Variants in TPD52L1 observed in about 807,000 individuals in gnomAD.
TPD52L1 encodes tumor protein D53.
TPD52L1 carries 18 observed loss-of-function variants against 28.7 expected under a neutral mutation model. The observed-to-expected ratio is 0.63, with a 90% CI of 0.43 to 0.93. The LOEUF is 0.93. Among genes scored for constraint, TPD52L1 ranks in the 40% least tolerant of loss-of-function variants. The pLI is 0.00. For missense variants in TPD52L1, 203 were observed against 254.8 expected (o/e 0.80, Z 1.39); for synonymous variants, 75 against 88.8 (o/e 0.84, Z 0.88).
At chr6:125,194,517 G>A (rs945712731) in intron 1 of TPD52L1, among the ~76,000 whole-genome samples, 10 of 152,130 alleles carry the variant, frequency 6.6e-5, no homozygotes, top group South Asian at 2.1e-4. Context: ...CCTTTTTGGC[G>A]TATTTCATAC....
At chr6:125,250,190 G>A (rs1212291624) in intron 4 of TPD52L1, among the ~76,000 whole-genome samples, 1 of 152,192 alleles carries the variant, frequency 6.6e-6, no homozygotes, top group Non-Finnish European at 1.5e-5. Context: ...GGGAACTCCA[G>A]CATGACACTG....
At chr6:125,243,869 C>A (rs1246084922) in intron 3 of TPD52L1, among the ~76,000 whole-genome samples, 1 of 151,892 alleles carries the variant, frequency 6.6e-6, no homozygotes, top group African/African-American at 2.4e-5. Context: ...GTTATAGAAC[C>A]CTGGTTTGTT....
intron 1 of TPD52L1, among the ~76,000 whole-genome samples, chr6:125,172,653 A>C (rs1791571577): frequency 1.4e-5 from 2 of 139,034 alleles, no homozygotes; most frequent in African/African-American, 2.7e-5. Context: ...CTATATAATA[A>C]ATTAGGTATA....
At chr6:125,201,034 G>A (rs184244230) in intron 1 of TPD52L1, among the ~76,000 whole-genome samples, 4 of 152,260 alleles carry the variant, frequency 2.6e-5, no homozygotes, top group Non-Finnish European at 4.4e-5. Flanking sequence ...TATAGGCAGC[G>A]TTTCTTTTTG....
chr6:125,223,708 CAAAAAAA>C (rs11294390), intron 2 of TPD52L1, among the ~76,000 whole-genome samples: 772 of 71,532 alleles, frequency 0.011, 5 homozygotes, highest in Non-Finnish European at 0.016. Flanking sequence ...GATTCCATCT[CAAAAAAA>C]AAAAAAAAAA....
At chr6:125,210,398 G>A (rs1385884112) in intron 1 of TPD52L1, among the ~76,000 whole-genome samples, 2 of 152,058 alleles carry the variant, frequency 1.3e-5, no homozygotes, top group Admixed American at 6.6e-5. Context: ...AATACCCCTG[G>A]GTCAGATGCC....
intron 3 of TPD52L1, among the ~76,000 whole-genome samples, chr6:125,231,403 A>T (rs1340966484): frequency 6.6e-6 from 1 of 152,306 alleles, no homozygotes; most frequent in East Asian, 1.9e-4. Flanking sequence ...TGGGACTGGA[A>T]ATAGAGCTGG....
intron 4 of TPD52L1, among the ~76,000 whole-genome samples, chr6:125,250,268 C>T (rs1797183407): frequency 6.6e-6 from 1 of 152,186 alleles, no homozygotes. Flanking sequence ...GTTTAGAATA[C>T]ATATTCTTAG....
intron 1 of TPD52L1, among the ~76,000 whole-genome samples, chr6:125,155,837 G>T (rs1356799973): frequency 6.6e-6 from 1 of 152,168 alleles, no homozygotes; most frequent in Admixed American, 6.5e-5. Flanking sequence ...GTCCCATGAG[G>T]TAGTTCATAT....
At chr6:125,239,423 G>C (rs1796486735) in intron 3 of TPD52L1, among the ~76,000 whole-genome samples, 1 of 152,180 alleles carries the variant, frequency 6.6e-6, no homozygotes, top group Non-Finnish European at 1.5e-5. Context: ...GAAGGTGGAA[G>C]GCACATCTTA....
chr6:125,222,517 A>G (rs1218014413), intron 2 of TPD52L1, among the ~76,000 whole-genome samples: 2 of 152,226 alleles, frequency 1.3e-5, no homozygotes, highest in Non-Finnish European at 2.9e-5. Flanking sequence ...TTTGCTGAAA[A>G]GAGGTCTTGA....
At chr6:125,164,810 A>G (rs1790769446) in intron 1 of TPD52L1, among the ~76,000 whole-genome samples, 1 of 152,060 alleles carries the variant, frequency 6.6e-6, no homozygotes, top group African/African-American at 2.4e-5. Flanking sequence ...TTGAATTTTC[A>G]CGGTTTGAAG....
At chr6:125,171,769 G>A (rs1308909954) in intron 1 of TPD52L1, among the ~76,000 whole-genome samples, 1 of 152,190 alleles carries the variant, frequency 6.6e-6, no homozygotes, top group Non-Finnish European at 1.5e-5. Context: ...GAGACCCTGG[G>A]CAGAGGACCC....
At chr6:125,204,264 C>G (rs1793971023) in intron 1 of TPD52L1, among the ~76,000 whole-genome samples, 1 of 152,140 alleles carries the variant, frequency 6.6e-6, no homozygotes, top group South Asian at 2.1e-4. Context: ...AAGCTAGACC[C>G]TGGCTTAATG....
intron 1 of TPD52L1, among the ~76,000 whole-genome samples, chr6:125,172,539 T>TTATATATATATTATATATATATATA (rs1243645858): frequency 9.5e-5 from 9 of 95,024 alleles, no homozygotes; most frequent in Admixed American, 3.7e-4. Flanking sequence ...TATATATATA[T>TTATATATATATTATATATATATATA]ATATATATAT....
At chr6:125,187,140 A>C (rs1562244965) in intron 1 of TPD52L1, among the ~76,000 whole-genome samples, 1 of 152,222 alleles carries the variant, frequency 6.6e-6, no homozygotes. Flanking sequence ...TAGGCAGATA[A>C]TTTGAATGAG....
chr6:125,235,858 T>C (rs1195020871), intron 3 of TPD52L1, among the ~76,000 whole-genome samples: 1 of 152,098 alleles, frequency 6.6e-6, no homozygotes, highest in African/African-American at 2.4e-5. Flanking sequence ...TTGGATAACA[T>C]AGTGGGATCC....
chr6:125,249,777 T>A (rs1296931062), intron 4 of TPD52L1, among the ~76,000 whole-genome samples: 1 of 151,626 alleles, frequency 6.6e-6, no homozygotes, highest in African/African-American at 2.4e-5. Context: ...TACATCTTTA[T>A]AAATTATATT....
chr6:125,235,675 C>A (rs1367683404), intron 3 of TPD52L1, among the ~76,000 whole-genome samples: 1 of 152,170 alleles, frequency 6.6e-6, no homozygotes, highest in African/African-American at 2.4e-5. Context: ...TCACTGTTTA[C>A]CCTTTTGAAA....
Sources: allele counts gnomAD v4.1 joint callset (sites outside exome capture counted in the v4.1 genomes callset), GRCh38; gene constraint gnomAD v4.1.1; transcripts MANE v1.5; gene names NCBI Gene and HGNC (gene_info 2026-07-23, HGNC 2026-07-21).